CACNA2D3: variants seen among roughly 807,000 people sequenced by gnomAD.
CACNA2D3 encodes the protein voltage-dependent calcium channel subunit alpha-2/delta-3.
Under a neutral mutation model 160.6 loss-of-function variants are expected in CACNA2D3, and 60 were observed. That is an observed-to-expected ratio of 0.37 (90% CI 0.30 to 0.46). The LOEUF is 0.46. Among genes scored for constraint, CACNA2D3 ranks in the 20% least tolerant of loss-of-function variants. The pLI is 1.00. For missense variants in CACNA2D3, 1,205 were observed against 1,365.0 expected (o/e 0.88, Z 1.85); for synonymous variants, 558 against 492.9 (o/e 1.13, Z -1.75).
At chr3:54,163,307 G>C (rs1700384617) in intron 2 of CACNA2D3, among the ~76,000 whole-genome samples, 3 of 152,182 alleles carry the variant, frequency 2.0e-5, no homozygotes, top group Non-Finnish European at 4.4e-5. Context: ...AAACCTTAAG[G>C]AATGGCTACC....
At chr3:54,248,171 G>A (rs1038106757) in intron 2 of CACNA2D3, among the ~76,000 whole-genome samples, 1 of 152,102 alleles carries the variant, frequency 6.6e-6, no homozygotes, top group Non-Finnish European at 1.5e-5. Flanking sequence ...GGTAAAGTGA[G>A]ATTAAAAGGG....
chr3:54,455,500 A>AT (rs1049928258), intron 4 of CACNA2D3, among the ~76,000 whole-genome samples: 7 of 151,534 alleles, frequency 4.6e-5, no homozygotes, highest in African/African-American at 1.5e-4. Context: ...GTTTGCAGAT[A>AT]TTTTTTTTCC....
At chr3:55,021,615 A>ATATG (rs1491159951) in intron 35 of CACNA2D3, among the ~76,000 whole-genome samples, 1 of 111,280 alleles carries the variant, frequency 9.0e-6, no homozygotes, top group African/African-American at 4.1e-5. Flanking sequence ...ATATATATAT[A>ATATG]TGTGTGTGTG....
intron 4 of CACNA2D3, among the ~76,000 whole-genome samples, chr3:54,442,849 G>T (rs1170389390): frequency 6.6e-6 from 1 of 152,170 alleles, no homozygotes; most frequent in Non-Finnish European, 1.5e-5. Flanking sequence ...TGTCGTACCC[G>T]TCGCCAGCCT....
intron 11 of CACNA2D3, among the ~76,000 whole-genome samples, chr3:54,650,047 C>G (rs1699729931): frequency 6.6e-6 from 1 of 152,156 alleles, no homozygotes; most frequent in African/African-American, 2.4e-5. Context: ...TGAACTGACC[C>G]TCACCTGGTT....
intron 29 of CACNA2D3, among the ~76,000 whole-genome samples, chr3:54,979,297 G>A (rs1042062347): frequency 2.0e-5 from 3 of 152,166 alleles, no homozygotes; most frequent in Admixed American, 6.6e-5. Flanking sequence ...TCTAAGTCAA[G>A]TTTGATTCCT....
intron 4 of CACNA2D3, among the ~76,000 whole-genome samples, chr3:54,447,054 G>A (rs377606511): frequency 1.3e-5 from 2 of 152,162 alleles, no homozygotes; most frequent in Non-Finnish European, 2.9e-5. Context: ...CAACAAAACT[G>A]TCCATGTTTT....
At chr3:54,821,208 A>G (rs189423464) in intron 14 of CACNA2D3, among the ~76,000 whole-genome samples, 6 of 152,344 alleles carry the variant, frequency 3.9e-5, no homozygotes, top group Non-Finnish European at 1.5e-5. Flanking sequence ...CTGAGTAGGC[A>G]TAAGCATTTT....
chr3:54,353,602 A>G (rs114789543), intron 3 of CACNA2D3, among the ~76,000 whole-genome samples: 9,361 of 151,960 alleles, frequency 0.062, 347 homozygotes, highest in Middle Eastern at 0.12. Flanking sequence ...CTGCCACCCA[A>G]CTCTTTCCCA....
At chr3:54,460,274 T>A (rs1211053530) in intron 4 of CACNA2D3, among the ~76,000 whole-genome samples, 1 of 151,136 alleles carries the variant, frequency 6.6e-6, no homozygotes, top group Non-Finnish European at 1.5e-5. Context: ...TTTGGTTCCA[T>A]ATGAACTTTA....
chr3:54,457,349 A>G (rs1700417458), intron 4 of CACNA2D3, among the ~76,000 whole-genome samples: 2 of 152,030 alleles, frequency 1.3e-5, no homozygotes. Flanking sequence ...TGTTTAATTT[A>G]CATGCATTTG....
intron 3 of CACNA2D3, among the ~76,000 whole-genome samples, chr3:54,336,007 A>T (rs965743191): frequency 6.3e-5 from 9 of 142,508 alleles, no homozygotes; most frequent in African/African-American, 2.7e-4. Context: ...TCCGTCTCAA[A>T]AAAAAAAAAA....
At chr3:54,288,477 G>T (rs1367182723) in intron 2 of CACNA2D3, among the ~76,000 whole-genome samples, 1 of 152,146 alleles carries the variant, frequency 6.6e-6, no homozygotes, top group Admixed American at 6.5e-5. Context: ...ATTCACAGCC[G>T]AATTCTACCA....
chr3:54,319,174 A>G (rs1341251859), intron 2 of CACNA2D3, among the ~76,000 whole-genome samples: 2 of 149,922 alleles, frequency 1.3e-5, no homozygotes, highest in African/African-American at 4.9e-5. Flanking sequence ...ACACACACAC[A>G]CACACACACA....
chr3:54,800,020 A>AT (rs963396299), intron 13 of CACNA2D3, among the ~76,000 whole-genome samples: 3 of 152,158 alleles, frequency 2.0e-5, no homozygotes, highest in African/African-American at 7.2e-5. Context: ...ATTATGAAAC[A>AT]TTTTTTTGCA....
At chr3:54,151,005 T>C (rs1700139950) in intron 2 of CACNA2D3, among the ~76,000 whole-genome samples, 1 of 150,994 alleles carries the variant, frequency 6.6e-6, no homozygotes, top group Non-Finnish European at 1.5e-5. Context: ...GGTGGATAGA[T>C]GAATGAATGG....
intron 27 of CACNA2D3, among the ~76,000 whole-genome samples, chr3:54,939,268 A>G (rs1701401052): frequency 6.6e-6 from 1 of 152,168 alleles, no homozygotes; most frequent in Non-Finnish European, 1.5e-5. Context: ...TATCTTCTAC[A>G]TCTTACTAAA....
intron 17 of CACNA2D3, among the ~76,000 whole-genome samples, chr3:54,856,087 A>C (rs1699162977): frequency 6.6e-6 from 1 of 152,200 alleles, no homozygotes. Flanking sequence ...GCATGAAGAC[A>C]CTGATGAGAC....
chr3:54,969,209 G>T lies in CACNA2D3; in HGVS notation c.2512-591G>T, dbSNP rs115194687. Among the ~76,000 whole-genome samples, 1,231 of 150,862 alleles carry T rather than the reference G, an allele frequency of 8.2e-3. 21 individuals carry two copies. Among genetic ancestry groups the T allele is most frequent in the African/African-American group, 0.028 (1,161 of 40,984 alleles). The stretch of plus-strand genomic sequence containing the variant: ...ATAATTGTATTTTTAGTTACCAAAA[G>T]ATTTGAGATCTTAAAAAGATATCAT... On this transcript the variant is annotated intron_variant, in intron 28 of 37. Coordinates refer to ENST00000474759, the MANE Select transcript of CACNA2D3 (RefSeq NM_018398.3).
Sources: gnomAD v4.1 joint callset for allele counts (sites outside exome capture counted in the v4.1 genomes callset) on GRCh38, gnomAD v4.1.1 for gene constraint, MANE v1.5 for transcripts, NCBI Gene and HGNC (gene_info 2026-07-23, HGNC 2026-07-21) for gene names.